Variants in ADK observed in about 807,000 individuals in gnomAD.
ADK encodes the protein N6,N6-dimethyladenosine kinase.
Under a neutral mutation model 44.7 loss-of-function variants are expected in ADK, and 24 were observed. That is an observed-to-expected ratio of 0.54 (90% CI 0.39 to 0.76). The LOEUF is 0.76. Ranked by LOEUF, ADK falls within the 30% of genes least tolerant of loss-of-function variation. The pLI is 0.00. For missense variants in ADK, 321 were observed against 425.1 expected (o/e 0.76, Z 2.15); for synonymous variants, 128 against 142.6 (o/e 0.90, Z 0.73).
chr10:74,627,297 G>A (rs965859151), intron 9 of ADK, among the ~76,000 whole-genome samples: 7 of 152,026 alleles, frequency 4.6e-5, no homozygotes, highest in Non-Finnish European at 7.4e-5. Flanking sequence ...GAAACATAGC[G>A]AGACCTCATC....
rs1420304612 is a variant in ADK, at chr10:74,547,446, ATTTATT to A, written c.726+22022_726+22027del. On this transcript the variant is annotated intron_variant, in intron 7 of 10. Coordinates refer to ENST00000539909, the MANE Select transcript of ADK (RefSeq NM_006721.4). The stretch of plus-strand genomic sequence containing the variant: ...TTTCCCACTTTATATATATATATAT[ATTTATT>A]TATTTATTTATTTATTTATTTTTAT... 7.4e-3 allele frequency among the ~76,000 whole-genome samples: 173 copies of A among 23,394 alleles called. 2 individuals are homozygous for A. The highest frequency in any genetic ancestry group is 0.026 in the South Asian group (31 of 1,190). 15.3% of individuals were successfully genotyped at this position (23,394 alleles called of 152,430 possible).
intron 6 of ADK, among the ~76,000 whole-genome samples, chr10:74,444,185 A>G (rs1283312887): frequency 2.0e-5 from 3 of 152,162 alleles, no homozygotes; most frequent in South Asian, 2.1e-4. Flanking sequence ...TGCAAAATGC[A>G]TTTCTTCACA....
chr10:74,597,448 C>T (rs1325109161), intron 8 of ADK, among the ~76,000 whole-genome samples: 2 of 152,104 alleles, frequency 1.3e-5, no homozygotes, highest in Non-Finnish European at 2.9e-5. Flanking sequence ...TCTCTAGTTT[C>T]CTTTTTCTGT....
chr10:74,245,026 T>C (rs1250690901), intron 3 of ADK, among the ~76,000 whole-genome samples: 2 of 152,218 alleles, frequency 1.3e-5, no homozygotes, highest in East Asian at 1.9e-4. Flanking sequence ...GGTCATGAGA[T>C]TGAACCATAA....
chr10:74,649,311 T>C (rs4746214), intron 9 of ADK, among the ~76,000 whole-genome samples: 35,473 of 152,108 alleles, frequency 0.23, 5,284 homozygotes, highest in East Asian at 0.69. Context: ...TACACTTAAT[T>C]GCTAGCTTAG....
intron 7 of ADK, among the ~76,000 whole-genome samples, chr10:74,571,748 T>A (rs1167219081): frequency 6.6e-6 from 1 of 152,066 alleles, no homozygotes; most frequent in Non-Finnish European, 1.5e-5. Flanking sequence ...CCTGGATTCA[T>A]TAATTTTTTG....
At chr10:74,365,989 A>C (rs116583036) in intron 4 of ADK, among the ~76,000 whole-genome samples, 1 of 152,132 alleles carries the variant, frequency 6.6e-6, no homozygotes, top group East Asian at 1.9e-4. Flanking sequence ...AAATGTTTTC[A>C]TGTGCCTGTT....
At chr10:74,234,428 T>C (rs1016837719) in intron 3 of ADK, among the ~76,000 whole-genome samples, 7 of 152,218 alleles carry the variant, frequency 4.6e-5, no homozygotes, top group African/African-American at 1.7e-4. Context: ...ATCTTTTTGA[T>C]TGCTTTCCAT....
intron 6 of ADK, among the ~76,000 whole-genome samples, chr10:74,414,943 C>T (rs1049646020): frequency 2.0e-5 from 3 of 152,096 alleles, no homozygotes; most frequent in Non-Finnish European, 4.4e-5. Flanking sequence ...AAACTCTCTA[C>T]CAAGACAGAG....
intron 9 of ADK, among the ~76,000 whole-genome samples, chr10:74,666,372 C>A (rs1382302806): frequency 6.6e-6 from 1 of 152,116 alleles, no homozygotes; most frequent in African/African-American, 2.4e-5. Context: ...AATCTGTTAT[C>A]AACTGAATTG....
chr10:74,524,374 A>C (rs1042261679), intron 6 of ADK, among the ~76,000 whole-genome samples: 26 of 152,138 alleles, frequency 1.7e-4, no homozygotes, highest in African/African-American at 6.3e-4. Flanking sequence ...GATATTTCTT[A>C]AGGTAACAAG....
chr10:74,608,467 G>A (rs1328991339), intron 9 of ADK, among the ~76,000 whole-genome samples: 1 of 152,074 alleles, frequency 6.6e-6, no homozygotes, highest in Non-Finnish European at 1.5e-5. Flanking sequence ...CTGTTTGTTA[G>A]TTTTCCTTCT....
At chr10:74,505,452 A>G (rs150413756) in intron 6 of ADK, among the ~76,000 whole-genome samples, 90 of 149,838 alleles carry the variant, frequency 6.0e-4, no homozygotes, top group African/African-American at 2.0e-3. Flanking sequence ...TTCCTGTGAT[A>G]TGGTGTCTGT....
chr10:74,574,168 T>G (rs977998038), intron 7 of ADK, among the ~76,000 whole-genome samples: 12 of 145,598 alleles, frequency 8.2e-5, no homozygotes, highest in African/African-American at 3.0e-4. Flanking sequence ...CTTTCTTTCT[T>G]TTTTTTTTTT....
chr10:74,620,105 C>A (rs567511539), intron 9 of ADK, among the ~76,000 whole-genome samples: 1 of 152,184 alleles, frequency 6.6e-6, no homozygotes, highest in African/African-American at 2.4e-5. Context: ...TTTATCATTT[C>A]TTTGTATTGT....
intron 7 of ADK, among the ~76,000 whole-genome samples, chr10:74,552,062 T>C (rs979931072): frequency 2.6e-5 from 4 of 152,128 alleles, no homozygotes; most frequent in African/African-American, 9.7e-5. Flanking sequence ...TATTTTCAGT[T>C]CATAGTTGGT....
At chr10:74,436,238 A>G (rs1031051491) in intron 6 of ADK, among the ~76,000 whole-genome samples, 7 of 152,198 alleles carry the variant, frequency 4.6e-5, no homozygotes, top group African/African-American at 9.6e-5. Flanking sequence ...GAAGAAAACC[A>G]GAATGGTAAA....
At chr10:74,339,928 A>G (rs947141413) in intron 4 of ADK, among the ~76,000 whole-genome samples, 5 of 152,208 alleles carry the variant, frequency 3.3e-5, no homozygotes, top group Admixed American at 1.3e-4. Flanking sequence ...TTTCTTTACT[A>G]TATCAACACT....
intron 7 of ADK, among the ~76,000 whole-genome samples, chr10:74,541,804 C>CCT (rs1849648104): frequency 7.3e-6 from 1 of 137,198 alleles, no homozygotes; most frequent in African/African-American, 2.8e-5. Flanking sequence ...ACCCCCCCCC[C>CCT]CTAAAAAAAA....
Sources: allele counts gnomAD v4.1 joint callset (sites outside exome capture counted in the v4.1 genomes callset), GRCh38; gene constraint gnomAD v4.1.1; transcripts MANE v1.5; gene names NCBI Gene and HGNC (gene_info 2026-07-23, HGNC 2026-07-21).